The following SLC4A4 variants were observed in gnomAD, a reference collection of about 807,000 sequenced individuals.
The protein encoded by SLC4A4 is electrogenic sodium bicarbonate cotransporter 1.
A neutral mutation model predicts 111.5 loss-of-function variants in SLC4A4; 27 were observed. The observed-to-expected ratio is 0.24, with a 90% CI of 0.18 to 0.33. The LOEUF (loss-of-function observed/expected upper bound fraction) is 0.33, where lower values mean the gene tolerates loss of function less well. SLC4A4 is among the 10% of genes least tolerant of loss of function. The probability of loss-of-function intolerance (pLI) is 1.00; values close to 1 mark genes in which losing one functional copy is unlikely to be tolerated. For missense variants in SLC4A4, 909 were observed against 1,315.5 expected (o/e 0.69, Z 4.78); for synonymous variants, 443 against 463.4 (o/e 0.96, Z 0.57).
chr4:71,293,425 T>A (rs1724535856), intron 3 of SLC4A4, among the ~76,000 whole-genome samples: 1 of 151,572 alleles, frequency 6.6e-6, no homozygotes, highest in South Asian at 2.1e-4. Context: ...TAGCTGGGTG[T>A]GGTGATGCAC....
intron 7 of SLC4A4, among the ~76,000 whole-genome samples, chr4:71,398,709 G>C (rs1188064946): frequency 6.6e-6 from 1 of 152,140 alleles, no homozygotes; most frequent in Non-Finnish European, 1.5e-5. Context: ...AGAAAATCTG[G>C]TCTTGCTACT....
At chr4:71,328,203 A>T (rs1180218140) in intron 3 of SLC4A4, among the ~76,000 whole-genome samples, 1 of 152,108 alleles carries the variant, frequency 6.6e-6, no homozygotes. Context: ...TGTATATATC[A>T]CATTTCAAAA....
chr4:71,277,580 C>T (rs1210571825), intron 3 of SLC4A4, among the ~76,000 whole-genome samples: 1 of 148,024 alleles, frequency 6.8e-6, no homozygotes, highest in Non-Finnish European at 1.5e-5. Context: ...TTCCTTCCTT[C>T]CTTCCTTCTT....
chr4:71,556,314 A>G (rs1412437852), intron 21 of SLC4A4, among the ~76,000 whole-genome samples: 1 of 151,984 alleles, frequency 6.6e-6, no homozygotes, highest in Non-Finnish European at 1.5e-5. Flanking sequence ...TTTGGGAAGC[A>G]TAAATCTGTA....
At chr4:71,330,697 C>G (rs1727903383) in intron 3 of SLC4A4, among the ~76,000 whole-genome samples, 1 of 152,090 alleles carries the variant, frequency 6.6e-6, no homozygotes, top group South Asian at 2.1e-4. Context: ...GTCTAAAACA[C>G]CAAAAGCAAT....
intron 3 of SLC4A4, among the ~76,000 whole-genome samples, chr4:71,259,953 G>C (rs147346798): frequency 9.9e-5 from 15 of 152,200 alleles, no homozygotes; most frequent in Admixed American, 4.6e-4. Context: ...TTCATGCTTG[G>C]AGGTGCTAAC....
intron 3 of SLC4A4, among the ~76,000 whole-genome samples, chr4:71,299,850 C>T (rs891779151): frequency 5.3e-5 from 8 of 152,136 alleles, no homozygotes; most frequent in African/African-American, 1.4e-4. Context: ...AGCCAGAGGG[C>T]GTTGGGGCAG....
At chr4:71,161,735 A>G (rs961048198) in intron 2 of SLC4A4, among the ~76,000 whole-genome samples, 2 of 152,190 alleles carry the variant, frequency 1.3e-5, no homozygotes, top group Non-Finnish European at 2.9e-5. Context: ...GGCAGGTGAT[A>G]AAAGATAATT....
chr4:71,153,093 C>G (rs1744362929), intron 2 of SLC4A4, among the ~76,000 whole-genome samples: 1 of 149,794 alleles, frequency 6.7e-6, no homozygotes, highest in African/African-American at 2.4e-5. Flanking sequence ...CTCACATGAT[C>G]ACATGGTCCT....
At chr4:71,365,248 T>C (rs1731140567) in intron 6 of SLC4A4, among the ~76,000 whole-genome samples, 2 of 152,226 alleles carry the variant, frequency 1.3e-5, no homozygotes, top group African/African-American at 4.8e-5. Context: ...TTCATTCCCC[T>C]TTCCTGGAGA....
At chr4:71,302,612 T>C (rs994908023) in intron 3 of SLC4A4, among the ~76,000 whole-genome samples, 1 of 152,234 alleles carries the variant, frequency 6.6e-6, no homozygotes, top group Admixed American at 6.5e-5. Flanking sequence ...CCTGCAGTGT[T>C]CACTCCTGGT....
intron 1 of SLC4A4, among the ~76,000 whole-genome samples, chr4:71,089,821 C>A (rs1742323131): frequency 1.3e-5 from 2 of 151,866 alleles, no homozygotes; most frequent in South Asian, 4.2e-4. Flanking sequence ...GGGGGTGCTC[C>A]CAATTAGGCT....
chr4:71,518,706 TG>T (rs1056486332), intron 16 of SLC4A4, among the ~76,000 whole-genome samples: 1 of 152,090 alleles, frequency 6.6e-6, no homozygotes, highest in African/African-American at 2.4e-5. Context: ...ACCCTGGACC[TG>T]GGGCTCATCT....
At chr4:71,535,242 A>G (rs1734308571) in intron 18 of SLC4A4, among the ~76,000 whole-genome samples, 1 of 152,176 alleles carries the variant, frequency 6.6e-6, no homozygotes, top group African/African-American at 2.4e-5. Context: ...AGGAGAGGAT[A>G]TTACTAAGAA....
intron 3 of SLC4A4, among the ~76,000 whole-genome samples, chr4:71,312,500 G>A (rs1237224684): frequency 6.6e-6 from 1 of 152,208 alleles, no homozygotes; most frequent in Non-Finnish European, 1.5e-5. Context: ...TATCCCTGAT[G>A]AACATTGAGG....
chr4:71,516,312 T>C (rs933286194), intron 16 of SLC4A4, among the ~76,000 whole-genome samples: 2 of 152,038 alleles, frequency 1.3e-5, no homozygotes, highest in Non-Finnish European at 1.5e-5. Flanking sequence ...TTAGCCAGGA[T>C]GGTCTCGATC....
intron 1 of SLC4A4, among the ~76,000 whole-genome samples, chr4:71,226,001 A>G (rs1313553155): frequency 6.6e-6 from 1 of 152,224 alleles, no homozygotes; most frequent in Non-Finnish European, 1.5e-5. Flanking sequence ...TTGAATCCTA[A>G]TTTTATTTGC....
chr4:71,416,479 T>C lies in SLC4A4; in HGVS notation c.807+18826T>C, dbSNP rs556574594. Among the ~76,000 whole-genome samples the C allele has an allele frequency of 4.6e-5, 7 of 152,308 alleles. No homozygotes were observed. The South Asian group carries it at 1.4e-3, about 32-fold the overall frequency. The stretch of plus-strand genomic sequence containing the variant: ...AAACATCTTATTGTACTGAGTTCAC[T>C]TATTTTCAGACCCTGCTTGACCATA... On this transcript the variant is annotated intron_variant, in intron 7 of 25. Transcript: ENST00000264485.
chr4:71,484,875 C>T (rs552407803), intron 14 of SLC4A4, among the ~76,000 whole-genome samples: 101 of 151,700 alleles, frequency 6.7e-4, no homozygotes, highest in Non-Finnish European at 1.1e-3. Context: ...TTTCACCTTC[C>T]TGGTTAGCTG....
Sources: allele counts gnomAD v4.1 joint callset (sites outside exome capture counted in the v4.1 genomes callset), GRCh38; gene constraint gnomAD v4.1.1; transcripts MANE v1.5; gene names NCBI Gene and HGNC (gene_info 2026-07-23, HGNC 2026-07-21).